Variants in ASCC3 observed in about 807,000 individuals in gnomAD.
ASCC3 encodes ASC-1 complex subunit P200.
ASCC3 carries 158 observed loss-of-function variants against 256.3 expected under a neutral mutation model. The observed-to-expected ratio is 0.62, with a 90% CI of 0.54 to 0.70. The LOEUF is 0.70. Among genes scored for constraint, ASCC3 ranks in the 30% least tolerant of loss-of-function variants. The pLI is 0.00. For missense variants in ASCC3, 2,259 were observed against 2,626.0 expected, an observed-to-expected ratio of 0.86 and a Z score of 3.05; for synonymous variants, 948 against 883.4, an observed-to-expected ratio of 1.07 and a Z score of -1.30.
At chr6:100,529,373 A>C (rs1774752058) in intron 37 of ASCC3, among the ~76,000 whole-genome samples, 1 of 152,154 alleles carries the variant, frequency 6.6e-6, no homozygotes, top group African/African-American at 2.4e-5. Context: ...ATAATATAAA[A>C]ACTTGAGAAG....
At position 100,530,690 on chromosome 6, in the gene ASCC3, G is replaced by C. The variant is rs548919985; in HGVS notation, c.5775+9473C>G. Reference sequence around the variant, plus strand: ...GATGTGACAGCATAGAAAAACTAAAGGCCCAGATACCCAAGATGTAACAAG... The same window carrying C: ...GATGTGACAGCATAGAAAAACTAAACGCCCAGATACCCAAGATGTAACAAG... On this transcript the variant is annotated intron_variant, in intron 37 of 41. Coordinates refer to ENST00000369162, the MANE Select transcript of ASCC3 (RefSeq NM_006828.4). 5.7e-5 allele frequency: 52 copies of C among 920,296 alleles called. 3 individuals are homozygous for C. In the South Asian group the frequency reaches 6.8e-4, roughly 12 times the overall value. 57.0% of individuals were successfully genotyped at this position (920,296 alleles called of 1,614,324 possible).
chr6:100,611,950 G>A (rs1773421865), intron 30 of ASCC3, among the ~76,000 whole-genome samples: 1 of 151,660 alleles, frequency 6.6e-6, no homozygotes, highest in African/African-American at 2.4e-5. Context: ...ATTATTTGTT[G>A]TAATGTATAG....
At chr6:100,687,380 T>C (rs1403843585) in intron 13 of ASCC3, among the ~76,000 whole-genome samples, 1 of 152,140 alleles carries the variant, frequency 6.6e-6, no homozygotes, top group Non-Finnish European at 1.5e-5. Context: ...GTTTGTTTTT[T>C]GAGACAGTGT....
At chr6:100,610,942 T>G (rs2114824783) in intron 30 of ASCC3, among the ~76,000 whole-genome samples, 1 of 152,274 alleles carries the variant, frequency 6.6e-6, no homozygotes, top group Middle Eastern at 3.4e-3. Context: ...TAATAATTAG[T>G]TTGAGAGATT....
At chr6:100,819,948 C>T (rs1486178058) in intron 4 of ASCC3, among the ~76,000 whole-genome samples, 1 of 151,940 alleles carries the variant, frequency 6.6e-6, no homozygotes, top group African/African-American at 2.4e-5. Context: ...TATAAGAGTT[C>T]TACACTAAAA....
At chr6:100,525,822 T>G (rs1356882359) in intron 37 of ASCC3, among the ~76,000 whole-genome samples, 1 of 152,314 alleles carries the variant, frequency 6.6e-6, no homozygotes, top group Admixed American at 6.5e-5. Flanking sequence ...AGCAAAAAGT[T>G]TATTTAAAAA....
intron 30 of ASCC3, among the ~76,000 whole-genome samples, chr6:100,608,088 A>ATT (rs1336727618): frequency 5.0e-5 from 5 of 100,424 alleles, no homozygotes; most frequent in African/African-American, 2.1e-4. Context: ...ATGTATATAT[A>ATT]TCTATATACA....
At chr6:100,576,882 TAGC>T (rs2114736123) in intron 36 of ASCC3, among the ~76,000 whole-genome samples, 1 of 150,784 alleles carries the variant, frequency 6.6e-6, no homozygotes, top group East Asian at 1.9e-4. Flanking sequence ...TAAATAAAAA[TAGC>T]AGTCTCAAAA....
intron 4 of ASCC3, among the ~76,000 whole-genome samples, chr6:100,834,701 CA>C (rs1216729212): frequency 6.6e-6 from 1 of 151,862 alleles, no homozygotes; most frequent in Non-Finnish European, 1.5e-5. Flanking sequence ...AACTTTATAG[CA>C]AAAAGCTAAG....
At chr6:100,632,841 T>C (rs1360935260) in intron 25 of ASCC3, among the ~76,000 whole-genome samples, 2 of 152,102 alleles carry the variant, frequency 1.3e-5, no homozygotes. Context: ...TAATTAAATA[T>C]AAGATCTAAA....
Position 100,533,308 on chromosome 6 carries a change from T to TGG in ASCC3, c.5775+6854_5775+6855insCC, listed in dbSNP as rs1366720624. Reference sequence around the variant, plus strand: ...ACAAAAATACATAAAGCTTTGAATATAGTTATGTAGCACTGAAGTTAAGGT... The same window carrying TGG: ...ACAAAAATACATAAAGCTTTGAATATGGAGTTATGTAGCACTGAAGTTAAGGT... On this transcript the variant is annotated intron_variant, in intron 37 of 41. Coordinates refer to ENST00000369162, the MANE Select transcript of ASCC3 (RefSeq NM_006828.4). 3.0e-4 allele frequency among the ~76,000 whole-genome samples: 46 copies of TGG among 152,198 alleles called. 1 individual carries two copies. Among genetic ancestry groups the TGG allele is most frequent in the Admixed American group, 3.9e-4 (6 of 15,276 alleles).
chr6:100,719,770 A>G (rs1779238210), intron 11 of ASCC3, among the ~76,000 whole-genome samples: 1 of 151,988 alleles, frequency 6.6e-6, no homozygotes, highest in Non-Finnish European at 1.5e-5. Flanking sequence ...TCTCCCTATC[A>G]TTAGCTCGGA....
intron 36 of ASCC3, among the ~76,000 whole-genome samples, chr6:100,583,421 A>G (rs1274743567): frequency 1.3e-5 from 2 of 152,008 alleles, no homozygotes; most frequent in Non-Finnish European, 2.9e-5. Context: ...TTTCTGTGGG[A>G]TCGGTGGTGA....
intron 36 of ASCC3, among the ~76,000 whole-genome samples, chr6:100,546,706 A>T (rs768316189): frequency 7.9e-5 from 12 of 152,194 alleles, no homozygotes; most frequent in Non-Finnish European, 1.6e-4. Flanking sequence ...ATTTATAGTT[A>T]TCATAAAGCT....
intron 14 of ASCC3, among the ~76,000 whole-genome samples, chr6:100,669,338 C>T (rs1013868056): frequency 1.9e-4 from 28 of 149,154 alleles, no homozygotes; most frequent in African/African-American, 6.6e-4. Flanking sequence ...TATATATATA[C>T]ACAGACAATA....
At chr6:100,781,308 T>C (rs529286666) in intron 8 of ASCC3, among the ~76,000 whole-genome samples, 1 of 152,312 alleles carries the variant, frequency 6.6e-6, no homozygotes, top group South Asian at 2.1e-4. Flanking sequence ...TCTATAGTTA[T>C]TCACTGAAGT....
At chr6:100,682,181 G>T (rs1777341649) in intron 13 of ASCC3, among the ~76,000 whole-genome samples, 1 of 151,340 alleles carries the variant, frequency 6.6e-6, no homozygotes, top group South Asian at 2.1e-4. Context: ...AAATTAAATT[G>T]TAAGAAAATC....
chr6:100,752,472 G>A (rs1476820642), intron 10 of ASCC3, among the ~76,000 whole-genome samples: 1 of 151,978 alleles, frequency 6.6e-6, no homozygotes, highest in Non-Finnish European at 1.5e-5. Context: ...GAAGTAGTTT[G>A]CCCATCTAAT....
intron 4 of ASCC3, among the ~76,000 whole-genome samples, chr6:100,832,128 CAGAA>C (rs763053765): frequency 3.9e-5 from 6 of 151,940 alleles, no homozygotes; most frequent in Non-Finnish European, 7.4e-5. Flanking sequence ...GAAAGAATGA[CAGAA>C]AGGCATTATT....
Sources: gnomAD v4.1 joint callset for allele counts (sites outside exome capture counted in the v4.1 genomes callset) on GRCh38, gnomAD v4.1.1 for gene constraint, MANE v1.5 for transcripts, NCBI Gene and HGNC (gene_info 2026-07-23, HGNC 2026-07-21) for gene names.